Variants in PKHD1 observed in about 807,000 individuals in gnomAD.
The protein encoded by PKHD1 is PKHD1 ciliary IPT domain containing fibrocystin/polyductin.
Under a neutral mutation model 412.0 loss-of-function variants are expected in PKHD1, and 291 were observed. The observed-to-expected ratio is 0.71, with a 90% CI of 0.64 to 0.78. The LOEUF is 0.78. Ranked by LOEUF, PKHD1 falls within the 30% of genes least tolerant of loss-of-function variation. The probability of loss-of-function intolerance (pLI) is 0.00; values close to 1 mark genes in which losing one functional copy is unlikely to be tolerated. For missense variants in PKHD1, 4,825 were observed against 4,950.7 expected (o/e 0.97, Z 0.76); for synonymous variants, 1,777 against 1,821.5 (o/e 0.98, Z 0.62).
At chr6:51,678,847 T>C (rs1172486107) in intron 60 of PKHD1, among the ~76,000 whole-genome samples, 2 of 151,858 alleles carry the variant, frequency 1.3e-5, no homozygotes, top group Admixed American at 1.3e-4. Context: ...TTTAGCTAGC[T>C]AGCAAATCTT....
intron 43 of PKHD1, among the ~76,000 whole-genome samples, chr6:51,902,961 C>A (rs901315500): frequency 2.6e-5 from 4 of 151,956 alleles, no homozygotes; most frequent in Admixed American, 2.0e-4. Context: ...TCTTAAAGGA[C>A]AAAATATGGC....
chr6:51,751,118 T>C (rs1786053031), intron 57 of PKHD1, among the ~76,000 whole-genome samples: 1 of 152,158 alleles, frequency 6.6e-6, no homozygotes, highest in Non-Finnish European at 1.5e-5. Context: ...TTTCCTATTT[T>C]TCCTTTTGAA....
Position 52,024,960 on chromosome 6 carries a change from T to C in PKHD1, c.4850A>G (p.Asn1617Ser). Residue 1617 changes from asparagine (N) to serine (S), a missense_variant, in exon 32 of 67, where the codon AAC (asparagine) becomes AGC (serine). Asn to Ser is a conservative substitution (Grantham distance 46, BLOSUM62 1). Coordinates refer to ENST00000371117, the MANE Select transcript of PKHD1 (RefSeq NM_138694.4). ...GCACCGGATGAGCTCAGCACCGATG[T>C]TCACCGTCAGGCAGGTCTGCTGGTC... Reference protein sequence around the residue: ...YIDQQTCLTVNIGAELIRCIV... With the variant: ...YIDQQTCLTVSIGAELIRCIV... 1 of 1,614,216 alleles carries C rather than the reference T, an allele frequency of 6.2e-7. No homozygotes were observed. The highest frequency in any genetic ancestry group is 1.3e-5 in the African/African-American group (1 of 75,064).
intron 27 of PKHD1, 124 bp from the exon 28 acceptor site, chr6:52,035,845 G>T (rs1196978721): frequency 1.0e-6 from 1 of 956,312 alleles, no homozygotes; most frequent in Non-Finnish European, 1.7e-6. Context: ...CAAAGGCAAT[G>T]CTCAAACTGC....
intron 60 of PKHD1, among the ~76,000 whole-genome samples, chr6:51,676,800 G>A (rs1470162283): frequency 6.6e-6 from 1 of 152,120 alleles, no homozygotes; most frequent in African/African-American, 2.4e-5. Context: ...AAGAAAATAT[G>A]TTTTGGTCAT....
At chr6:51,766,232 G>A (rs1788977954) in intron 55 of PKHD1, among the ~76,000 whole-genome samples, 1 of 152,020 alleles carries the variant, frequency 6.6e-6, no homozygotes. Context: ...TCTGTACATA[G>A]AGAAAAGCAC....
At chr6:51,718,791 T>C (rs546967471) in intron 60 of PKHD1, among the ~76,000 whole-genome samples, 1 of 152,322 alleles carries the variant, frequency 6.6e-6, no homozygotes, top group East Asian at 1.9e-4. Context: ...TTAAATTTGA[T>C]AATGCAATTT....
intron 35 of PKHD1, among the ~76,000 whole-genome samples, chr6:51,996,058 T>C (rs903432897): frequency 6.6e-6 from 1 of 150,888 alleles, no homozygotes; most frequent in African/African-American, 2.4e-5. Flanking sequence ...CAGACTGGAG[T>C]GCAGTGGTGC....
chr6:51,697,678 T>C (rs531133601), intron 60 of PKHD1, among the ~76,000 whole-genome samples: 10 of 152,344 alleles, frequency 6.6e-5, no homozygotes, highest in African/African-American at 2.4e-4. Flanking sequence ...GAGAAGTCAG[T>C]GCTACAGAGG....
Position 52,025,601 on chromosome 6 carries a change from A to G in PKHD1, c.4209T>C (p.Gly1403=). 1 of 1,614,176 alleles carries G rather than the reference A, an allele frequency of 6.2e-7. No individual in the cohort carries two copies. Among genetic ancestry groups the G allele is most frequent in the South Asian group, 1.1e-5 (1 of 91,080 alleles). The part of the protein sequence containing the change: ...AIFPSQGSAC[G]GTILTVRGLL... ...ACCCCCTCACAGTAAGTATGGTCCC[A>G]CCACATGCCGAACCCTGCGATGGGA... The change falls in exon 32 of 67, where the codon GGT becomes GGC. Residue 1403 remains glycine (G), a synonymous_variant. Coordinates refer to ENST00000371117, the MANE Select transcript of PKHD1 (RefSeq NM_138694.4).
chr6:51,892,558 G>A (rs1322326239), intron 43 of PKHD1, among the ~76,000 whole-genome samples: 1 of 152,150 alleles, frequency 6.6e-6, no homozygotes, highest in African/African-American at 2.4e-5. Flanking sequence ...TATTGACGTA[G>A]TTGAGAAACC....
At chr6:51,682,594 T>C (rs1337784950) in intron 60 of PKHD1, among the ~76,000 whole-genome samples, 1 of 152,096 alleles carries the variant, frequency 6.6e-6, no homozygotes. Flanking sequence ...CTCATTTTGC[T>C]ATGTCCAGGT....
chr6:51,982,174 C>T (rs1275484199), intron 35 of PKHD1, among the ~76,000 whole-genome samples: 83 of 39,966 alleles, frequency 2.1e-3, no homozygotes, highest in African/African-American at 3.1e-3. Flanking sequence ...CCACCCCGTC[C>T]GGGAGGGAGG....
chr6:51,947,065 A>G (rs1017019564), intron 36 of PKHD1, among the ~76,000 whole-genome samples: 7 of 152,340 alleles, frequency 4.6e-5, no homozygotes, highest in Middle Eastern at 3.4e-3. Context: ...ACTCTTTTTC[A>G]TGACTGTCTT....
chr6:51,936,906 T>G (rs982452424), intron 36 of PKHD1, among the ~76,000 whole-genome samples: 1 of 152,216 alleles, frequency 6.6e-6, no homozygotes. Flanking sequence ...TAAACGGCCC[T>G]GCAAAGCTGT....
intron 4 of PKHD1, among the ~76,000 whole-genome samples, chr6:52,081,640 T>C (rs1309494756): frequency 6.6e-6 from 1 of 152,208 alleles, no homozygotes; most frequent in Non-Finnish European, 1.5e-5. Context: ...GTGGATGAAT[T>C]ACTACAAGTT....
At chr6:51,828,013 C>T (rs2151493366) in intron 52 of PKHD1, among the ~76,000 whole-genome samples, 1 of 152,114 alleles carries the variant, frequency 6.6e-6, no homozygotes, top group Admixed American at 6.6e-5. Context: ...GATTAAATAC[C>T]TCAAGCAGTG....
At chr6:51,670,376 C>CT (rs916804951) in intron 60 of PKHD1, among the ~76,000 whole-genome samples, 1 of 151,752 alleles carries the variant, frequency 6.6e-6, no homozygotes, top group African/African-American at 2.4e-5. Flanking sequence ...CAACCCCTGC[C>CT]TTTTTTTGTT....
chr6:51,897,028 T>C (rs1440672416), intron 43 of PKHD1, among the ~76,000 whole-genome samples: 1 of 150,794 alleles, frequency 6.6e-6, no homozygotes, highest in Non-Finnish European at 1.5e-5. Context: ...AGACCAAATC[T>C]ACGTCTGATT....
Sources: allele counts gnomAD v4.1 joint callset (sites outside exome capture counted in the v4.1 genomes callset), GRCh38; gene constraint gnomAD v4.1.1; transcripts MANE v1.5; gene names NCBI Gene and HGNC (gene_info 2026-07-23, HGNC 2026-07-21).